Variants in NR6A1 observed in about 807,000 individuals in gnomAD.
NR6A1 encodes the protein retinoic acid receptor-related testis-associated receptor.
NR6A1 carries 7 observed loss-of-function variants against 59.1 expected under a neutral mutation model. That is an observed-to-expected ratio of 0.12 (90% CI 0.07 to 0.22). The LOEUF (loss-of-function observed/expected upper bound fraction) is 0.22. NR6A1 is among the 10% of genes least tolerant of loss of function. NR6A1 has a pLI of 1.00. For synonymous variants in NR6A1, 243 were observed against 236.1 expected, an observed-to-expected ratio of 1.03 and a Z score of -0.27; for missense variants, 468 against 611.6, an observed-to-expected ratio of 0.77 and a Z score of 2.48.
At chr9:124,766,771 A>G (rs578183405) in intron 1 of NR6A1, among the ~76,000 whole-genome samples, 5 of 152,382 alleles carry the variant, frequency 3.3e-5, no homozygotes, top group African/African-American at 1.2e-4. Context: ...CTGACAATGA[A>G]GTCTCCTAAT....
At chr9:124,617,095 T>C (rs535512415) in intron 2 of NR6A1, among the ~76,000 whole-genome samples, 1 of 152,160 alleles carries the variant, frequency 6.6e-6, no homozygotes, top group African/African-American at 2.4e-5. Flanking sequence ...GATGGAGAGA[T>C]GGGTAAGGAG....
intron 2 of NR6A1, among the ~76,000 whole-genome samples, chr9:124,682,160 A>G (rs923736339): frequency 6.6e-6 from 1 of 151,884 alleles, no homozygotes; most frequent in African/African-American, 2.4e-5. Flanking sequence ...ATGCCCAGCT[A>G]ATTTTTTCTT....
intron 2 of NR6A1, among the ~76,000 whole-genome samples, chr9:124,690,355 G>A (rs998329039): frequency 6.6e-6 from 1 of 152,184 alleles, no homozygotes; most frequent in African/African-American, 2.4e-5. Flanking sequence ...CCATGTTGGA[G>A]ACATGTGGGT....
chr9:124,653,040 T>C (rs1248360022), intron 2 of NR6A1, among the ~76,000 whole-genome samples: 1 of 152,202 alleles, frequency 6.6e-6, no homozygotes, highest in East Asian at 1.9e-4. Flanking sequence ...TTAAAGGTTA[T>C]TTGTGCTTTT....
chr9:124,764,928 G>T (rs537383139), intron 1 of NR6A1, among the ~76,000 whole-genome samples: 4 of 152,298 alleles, frequency 2.6e-5, no homozygotes, highest in African/African-American at 9.6e-5. Flanking sequence ...TGACTTATCA[G>T]CAGGGCCCAT....
chr9:124,626,131 G>C (rs1265629676), intron 2 of NR6A1, among the ~76,000 whole-genome samples: 1 of 152,158 alleles, frequency 6.6e-6, no homozygotes, highest in Admixed American at 6.5e-5. Context: ...TCAGCCTTCC[G>C]AGCAGCTGGG....
At chr9:124,638,966 G>A (rs1301083307) in intron 2 of NR6A1, among the ~76,000 whole-genome samples, 1 of 152,146 alleles carries the variant, frequency 6.6e-6, no homozygotes, top group Non-Finnish European at 1.5e-5. Flanking sequence ...TTTCTAAAAA[G>A]GGAGCTACAA....
At chr9:124,623,107 C>CCT (rs1836127198) in intron 2 of NR6A1, among the ~76,000 whole-genome samples, 1 of 152,136 alleles carries the variant, frequency 6.6e-6, no homozygotes, top group African/African-American at 2.4e-5. Context: ...ATTGTCTCTG[C>CCT]CTCTCTTATC....
chr9:124,721,095 A>G (rs1006810032), intron 2 of NR6A1, among the ~76,000 whole-genome samples: 1 of 152,212 alleles, frequency 6.6e-6, no homozygotes, highest in Non-Finnish European at 1.5e-5. Context: ...ATTTCTTCTC[A>G]TTCCTTCTTA....
chr9:124,610,640 C>G (rs1835711161), intron 2 of NR6A1, among the ~76,000 whole-genome samples: 1 of 152,142 alleles, frequency 6.6e-6, no homozygotes, highest in Admixed American at 6.5e-5. Flanking sequence ...GGAGTTCCTA[C>G]TTTTCAATTG....
chr9:124,716,240 C>T (rs1252205509), intron 2 of NR6A1, among the ~76,000 whole-genome samples: 1 of 152,054 alleles, frequency 6.6e-6, no homozygotes, highest in Non-Finnish European at 1.5e-5. Flanking sequence ...GCCTTTTCAA[C>T]AAATGGTGCC....
intron 2 of NR6A1, among the ~76,000 whole-genome samples, chr9:124,730,049 G>A (rs1479930819): frequency 1.3e-5 from 2 of 152,134 alleles, no homozygotes; most frequent in African/African-American, 4.8e-5. Context: ...CTGACCTCGG[G>A]TGATCCGCCT....
chr9:124,655,495 T>C (rs1265103118), intron 2 of NR6A1, among the ~76,000 whole-genome samples: 1 of 152,236 alleles, frequency 6.6e-6, no homozygotes, highest in Non-Finnish European at 1.5e-5. Context: ...TTCCAACTAA[T>C]ATTTATTGAT....
intron 2 of NR6A1, among the ~76,000 whole-genome samples, chr9:124,573,739 T>A (rs1834513866): frequency 6.6e-6 from 1 of 152,152 alleles, no homozygotes; most frequent in Admixed American, 6.5e-5. Context: ...TTAAGTAAAC[T>A]AACATACATA....
intron 2 of NR6A1, among the ~76,000 whole-genome samples, chr9:124,573,075 C>A (rs1834488297): frequency 6.6e-6 from 1 of 152,174 alleles, no homozygotes; most frequent in South Asian, 2.1e-4. Context: ...TAGCTGCCAA[C>A]TTCTAATATC....
chr9:124,603,326 T>C (rs921523751), intron 2 of NR6A1, among the ~76,000 whole-genome samples: 2 of 152,196 alleles, frequency 1.3e-5, no homozygotes, highest in Admixed American at 6.5e-5. Flanking sequence ...AGTTCTTCTG[T>C]TGAATTTCTT....
At chr9:124,628,632 C>T (rs976872406) in intron 2 of NR6A1, among the ~76,000 whole-genome samples, 4 of 151,462 alleles carry the variant, frequency 2.6e-5, no homozygotes, top group Non-Finnish European at 5.9e-5. Flanking sequence ...TGAGCCACCA[C>T]GTCCAGCCTA....
chr9:124,764,138 C>T (rs998772499), intron 1 of NR6A1, among the ~76,000 whole-genome samples: 2 of 150,842 alleles, frequency 1.3e-5, no homozygotes, highest in Admixed American at 6.6e-5. Context: ...GAGCAGAGAT[C>T]GCACCGCTGC....
chr9:124,621,615 C>T lies in NR6A1; in HGVS notation c.143-67045G>A, dbSNP rs947832709. 9.9e-5 allele frequency among the ~76,000 whole-genome samples: 15 copies of T among 151,596 alleles called. No homozygotes were observed. The South Asian group carries it at 2.7e-3, about 27-fold the overall frequency. ...GTTGCAGTGAGCTGTGACCATACCA[C>T]TGCACTGGAGCCTGGGTGACAGAGT... is the stretch of plus-strand genomic sequence containing the variant. On this transcript the variant is annotated intron_variant, in intron 2 of 9. Transcript: ENST00000487099.
Sources: allele counts gnomAD v4.1 joint callset (sites outside exome capture counted in the v4.1 genomes callset), GRCh38; gene constraint gnomAD v4.1.1; transcripts MANE v1.5; gene names NCBI Gene and HGNC (gene_info 2026-07-23, HGNC 2026-07-21).